DNM1L: variants seen among roughly 807,000 people sequenced by gnomAD.
DNM1L encodes dynamin 1L.
DNM1L carries 33 observed loss-of-function variants against 92.8 expected under a neutral mutation model. That is an observed-to-expected ratio of 0.36 (90% CI 0.27 to 0.48). The LOEUF (loss-of-function observed/expected upper bound fraction) is 0.48, where lower values mean the gene tolerates loss of function less well. Among genes scored for constraint, DNM1L ranks in the 20% least tolerant of loss-of-function variants. The pLI is 0.99. For synonymous variants in DNM1L, 284 were observed against 305.0 expected (o/e 0.93, Z 0.72); for missense variants, 485 against 888.8 (o/e 0.55, Z 5.78).
intron 15 of DNM1L, 35 bp downstream of exon 15, chr12:32,737,977 T>G (rs900853321): frequency 2.6e-5 from 42 of 1,595,908 alleles, no homozygotes; most frequent in Non-Finnish European, 3.5e-5. Flanking sequence ...CCTGCATGCC[T>G]TGTTCTCTGG....
chr12:32,692,015 A>AC (rs35779863), intron 1 of DNM1L, among the ~76,000 whole-genome samples: 57,890 of 151,984 alleles, frequency 0.38, 13,493 homozygotes, highest in African/African-American at 0.66. Context: ...CTGGCATTAG[A>AC]TTCCAATCTG....
Position 32,745,058 on chromosome 12 carries a change from C to T in DNM1L, c.*1648C>T, listed in dbSNP as rs751651583. On this transcript the variant is annotated 3_prime_UTR_variant, in exon 20 of 20. Transcript: ENST00000549701. Reference sequence around the variant, plus strand: ...ATTTACTAAGGAACAACAGGCTCACCAACTGATGTCAAACATAAAAACCCC... The same window carrying T: ...ATTTACTAAGGAACAACAGGCTCACTAACTGATGTCAAACATAAAAACCCC... The T allele has an allele frequency of 4.0e-6, 2 of 498,488 alleles. No homozygotes were observed. Among genetic ancestry groups the T allele is most frequent in the Non-Finnish European group, 4.0e-6 (1 of 252,982 alleles). 30.9% of individuals were successfully genotyped at this position (498,488 alleles called of 1,614,324 possible). A position where few individuals can be genotyped will look rare whatever the true frequency, so the allele number is the denominator to read the frequency against.
In DNM1L at chr12:32,740,415, C is replaced by G. The variant is rs1399579227; in HGVS notation, c.1891C>G (p.Pro631Ala). Residue 631 changes from proline to alanine, a missense_variant, in exon 18 of 20, where the codon CCT (proline) becomes GCT (alanine). Around this residue, in one of 11 missense-constraint regions of DNM1L, gnomAD observed 133 missense variants for 210.9 expected, o/e 0.63. Transcript: ENST00000549701. ...CCCCCTCATCCCTATTTAGCCAGTTCCTGTTGCACGAAAACTATCTGCTCG... is the reference window on the plus strand; with the variant it reads ...CCCCCTCATCCCTATTTAGCCAGTTGCTGTTGCACGAAAACTATCTGCTCG... ...HAVNLLDVPV[P>A]VARKLSAREQ... 8 of 1,613,838 alleles carry G rather than the reference C, an allele frequency of 5.0e-6. No individual in the cohort carries two copies. The East Asian group carries it at 1.3e-4, about 27-fold the overall frequency.
intron 12 of DNM1L, chr12:32,733,377 A>ATAGT: frequency 4.0e-6 from 1 of 248,058 alleles, no homozygotes; most frequent in South Asian, 5.5e-5. Context: ...GATGATCTGA[A>ATAGT]GTTTTAATAG....
intron 6 of DNM1L, among the ~76,000 whole-genome samples, chr12:32,718,097 CTA>C (rs1214866759): frequency 1.5e-5 from 2 of 133,272 alleles, no homozygotes; most frequent in South Asian, 2.2e-4. Flanking sequence ...TATATATATA[CTA>C]TATATATTTT....
chr12:32,735,579 A>T (rs1013385666), intron 13 of DNM1L, among the ~76,000 whole-genome samples: 2 of 152,200 alleles, frequency 1.3e-5, no homozygotes, highest in Non-Finnish European at 2.9e-5. Context: ...AAAAATTATT[A>T]CACATGAAAC....
chr12:32,679,420 C>T lies in DNM1L; in HGVS notation c.57C>T (p.Gly19=), dbSNP rs1302943262. The T allele has an allele frequency of 2.5e-6, 4 of 1,613,632 alleles. No homozygotes were observed. Among genetic ancestry groups the T allele is most frequent in the South Asian group, 1.1e-5 (1 of 91,090 alleles). Residue 19 remains glycine, a synonymous_variant, in exon 1 of 20, where the codon GGC becomes GGT. Coordinates refer to ENST00000549701, the MANE Select transcript of DNM1L (RefSeq NM_012062.5). ...TCCAGGACGTCTTCAACACGGTGGG[C>T]GCCGACATCATCCAGCTGCCTCAAA... ...NKLQDVFNTV[G]ADIIQLPQIV... is the part of the protein sequence containing the mutation.
At chr12:32,699,667 G>A (rs1047592066) in intron 1 of DNM1L, among the ~76,000 whole-genome samples, 14 of 151,958 alleles carry the variant, frequency 9.2e-5, no homozygotes, top group Admixed American at 5.2e-4. Context: ...GGTGTCACAC[G>A]CCTGTAATCT....
intron 1 of DNM1L, among the ~76,000 whole-genome samples, chr12:32,680,780 C>T (rs1565965341): frequency 6.6e-6 from 1 of 152,178 alleles, no homozygotes; most frequent in Admixed American, 6.5e-5. Flanking sequence ...AAATATTGCT[C>T]ACTCTAACCA....
chr12:32,697,485 T>C (rs1375577630), intron 1 of DNM1L, among the ~76,000 whole-genome samples: 1 of 152,206 alleles, frequency 6.6e-6, no homozygotes, highest in Non-Finnish European at 1.5e-5. Flanking sequence ...TCAGTAATAA[T>C]GTTCGTGGTG....
intron 13 of DNM1L, among the ~76,000 whole-genome samples, chr12:32,735,729 A>C (rs542100625): frequency 1.3e-5 from 2 of 151,948 alleles, no homozygotes; most frequent in Non-Finnish European, 2.9e-5. Context: ...AAATAGAAAA[A>C]TTAGCCGGGG....
chr12:32,699,213 G>A (rs935241828), intron 1 of DNM1L, among the ~76,000 whole-genome samples: 12 of 152,146 alleles, frequency 7.9e-5, no homozygotes, highest in Admixed American at 2.0e-4. Flanking sequence ...TAAAGTAAAT[G>A]TGTCAAAATG....
intron 16 of DNM1L, 100 bp from the exon 17 acceptor site, chr12:32,739,964 G>A: frequency 6.8e-7 from 1 of 1,466,314 alleles, no homozygotes; most frequent in Non-Finnish European, 9.4e-7. Flanking sequence ...ACTTCAGATG[G>A]GTACTGGATG....
chr12:32,681,603 C>A (rs1000418767), intron 1 of DNM1L, among the ~76,000 whole-genome samples: 1 of 148,094 alleles, frequency 6.8e-6, no homozygotes, highest in Non-Finnish European at 1.5e-5. Context: ...ACCGCCCCCC[C>A]GCCCCCGCCT....
At chr12:32,727,251 T>C (rs1457540662) in intron 9 of DNM1L, 58 of 1,452,314 alleles carry the variant, frequency 4.0e-5, no homozygotes, top group Non-Finnish European at 1.1e-5. Context: ...ATACTTCCTT[T>C]CAAGATCGTG....
chr12:32,736,481 T>C (rs758801057), intron 13 of DNM1L, among the ~76,000 whole-genome samples: 13 of 152,200 alleles, frequency 8.5e-5, no homozygotes, highest in Non-Finnish European at 1.8e-4. Context: ...TTTGATAATA[T>C]TAGCAAATTA....
chr12:32,737,898 T>C lies in DNM1L; in HGVS notation c.1630T>C (p.Ser544Pro), dbSNP rs1955008918. 1 of 1,614,096 alleles carries C rather than the reference T, an allele frequency of 6.2e-7. No homozygotes were observed. The highest frequency in any genetic ancestry group is 8.5e-7 in the Non-Finnish European group (1 of 1,179,982). Residue 544 changes from serine to proline, a missense_variant, in exon 15 of 20, where the codon TCC (serine) becomes CCC (proline). Ser to Pro is a moderately conservative substitution (Grantham distance 74). Transcript: ENST00000549701. ...AGTTCCAAGTGCTTTGGCACCTGCC[T>C]CCCAGGAGCCCTCCCCCGCTGCTTC... ...SKVPSALAPA[S>P]QEPSPAASAE...
intron 2 of DNM1L, chr12:32,705,805 C>T: frequency 6.3e-7 from 1 of 1,596,382 alleles, no homozygotes; most frequent in Non-Finnish European, 8.5e-7. Context: ...TTATTCTGTG[C>T]TGTTTCTCTT....
rs1592682509 is a variant in DNM1L at position 32,738,206 on chromosome 12, C to G, written c.1675-58C>G. On this transcript the variant is annotated intron_variant, in intron 15 of 19. Transcript: ENST00000549701. The stretch of plus-strand genomic sequence containing the variant: ...TTATCCTGCACTTTTTGAATTTCAA[C>G]CCATTGGTATTTAAATTTTGCTTGT... The G allele has an allele frequency of 8.2e-6, 13 of 1,585,782 alleles. No individual in the cohort carries two copies. In the East Asian group the frequency reaches 2.9e-4, roughly 36 times the overall value.
Sources: allele counts gnomAD v4.1 joint callset (sites outside exome capture counted in the v4.1 genomes callset), GRCh38; gene constraint gnomAD v4.1.1; regional missense constraint gnomAD v4.1.1; transcripts MANE v1.5; gene names NCBI Gene and HGNC (gene_info 2026-07-23, HGNC 2026-07-21).